The following SLC35F4 variants were observed in gnomAD, a reference collection of about 807,000 sequenced individuals.
SLC35F4 encodes the protein chromosome 14 open reading frame 36.
A neutral mutation model predicts 44.2 loss-of-function variants in SLC35F4; 24 were observed. The observed-to-expected ratio is 0.54, with a 90% confidence interval of 0.39 to 0.76. The LOEUF (loss-of-function observed/expected upper bound fraction) is 0.76. Among genes scored for constraint, SLC35F4 ranks in the 30% least tolerant of loss-of-function variants. The pLI, the probability that SLC35F4 is intolerant of heterozygous loss-of-function variation, is 0.00. For missense variants in SLC35F4, 562 were observed against 586.1 expected (o/e 0.96, Z 0.42); for synonymous variants, 238 against 223.6 (o/e 1.06, Z -0.57).
intron 1 of SLC35F4, among the ~76,000 whole-genome samples, chr14:57,749,606 C>T (rs1051915685): frequency 6.6e-5 from 10 of 152,262 alleles, no homozygotes; most frequent in African/African-American, 1.2e-4. Context: ...AATAAATGTA[C>T]TCTGCTTCCC....
At chr14:57,889,118 T>A (rs921240578) in intron 1 of SLC35F4, among the ~76,000 whole-genome samples, 1 of 152,316 alleles carries the variant, frequency 6.6e-6, no homozygotes, top group East Asian at 1.9e-4. Flanking sequence ...GAAGATAGTT[T>A]AACCATGTAT....
chr14:57,806,629 T>C (rs761292101), intron 1 of SLC35F4, among the ~76,000 whole-genome samples: 2 of 152,192 alleles, frequency 1.3e-5, no homozygotes, highest in African/African-American at 2.4e-5. Flanking sequence ...AAGTAGAATA[T>C]AGAAATATGA....
intron 1 of SLC35F4, among the ~76,000 whole-genome samples, chr14:57,597,882 A>AT (rs2070587844): frequency 6.6e-6 from 1 of 152,162 alleles, no homozygotes; most frequent in South Asian, 2.1e-4. Context: ...GAGCTGTCTA[A>AT]TTGAGATTCA....
rs530308644 is a variant in SLC35F4 at position 57,840,759 on chromosome 14, T to TC, written c.103+24963dup. 2.4e-4 allele frequency among the ~76,000 whole-genome samples: 37 copies of TC among 152,194 alleles called. No individual in the cohort carries two copies. In the East Asian group the frequency reaches 5.0e-3, roughly 21 times the overall value. On this transcript the variant is annotated intron_variant, in intron 1 of 7. Transcript: ENST00000556826. ...TACACTGCTATATAACACCCAAATA[T>TC]CCCCCCCAAATAATGAATGTTTTTA... is the stretch of plus-strand genomic sequence containing the variant.
chr14:57,932,920 C>T (rs992006180), intron 1 of SLC35F4, among the ~76,000 whole-genome samples: 2 of 152,064 alleles, frequency 1.3e-5, no homozygotes, highest in Non-Finnish European at 2.9e-5. Flanking sequence ...AATACATATT[C>T]CTTCCTCTCT....
chr14:57,595,531 A>G (rs238378), intron 1 of SLC35F4, among the ~76,000 whole-genome samples: 151,688 of 152,244 alleles, frequency 1, 75,594 homozygotes, highest in Middle Eastern at 1. Context: ...GGAGTCGGGG[A>G]GGTCTACATA....
At chr14:57,641,053 G>A (rs1045886667) in intron 1 of SLC35F4, among the ~76,000 whole-genome samples, 2 of 151,746 alleles carry the variant, frequency 1.3e-5, no homozygotes, top group African/African-American at 4.8e-5. Context: ...ATTACCACAC[G>A]AAAGTGAAAA....
At position 57,591,729 on chromosome 14, in the gene SLC35F4, C is replaced by A. The variant is rs140055635; in HGVS notation, c.289+2210G>T. ...TTCAGACTAGTTTGGGAAAAAAGTT[C>A]TGTTTCCTGGCAGGAATGGCAGTCC... On this transcript the variant is annotated intron_variant, in intron 2 of 7. Transcript: ENST00000556826. 1.5e-3 allele frequency among the ~76,000 whole-genome samples: 233 copies of A among 152,250 alleles called. 2 individuals are homozygous for A. Among genetic ancestry groups the A allele is most frequent in the Middle Eastern group, 6.8e-3 (2 of 294 alleles).
chr14:57,580,617 C>A, intron 4 of SLC35F4: 2 of 237,804 alleles, frequency 8.4e-6, no homozygotes, highest in Non-Finnish European at 1.7e-5. Context: ...AAACTCAGAA[C>A]TGAAGTTGTT....
chr14:57,957,531 G>A (rs867224126), intron 1 of SLC35F4, among the ~76,000 whole-genome samples: 4 of 151,922 alleles, frequency 2.6e-5, no homozygotes, highest in African/African-American at 4.8e-5. Context: ...CAATACTCAC[G>A]GCACTTTCTC....
At chr14:57,817,127 T>C (rs1036035103) in intron 1 of SLC35F4, among the ~76,000 whole-genome samples, 3 of 152,144 alleles carry the variant, frequency 2.0e-5, no homozygotes, top group Non-Finnish European at 4.4e-5. Flanking sequence ...GAGGTACAGA[T>C]GACAGATGAA....
intron 1 of SLC35F4, among the ~76,000 whole-genome samples, chr14:57,877,319 CA>C (rs1277479334): frequency 6.6e-6 from 1 of 152,056 alleles, no homozygotes; most frequent in Admixed American, 6.5e-5. Context: ...CATGTTGTTG[CA>C]AAAGACATAA....
At chr14:57,741,291 G>T (rs569037107) in intron 1 of SLC35F4, among the ~76,000 whole-genome samples, 2 of 152,148 alleles carry the variant, frequency 1.3e-5, no homozygotes, top group East Asian at 3.8e-4. Flanking sequence ...AAACTTCTCC[G>T]AGCTAAAGGA....
chr14:57,665,770 C>A (rs937302316), intron 1 of SLC35F4, among the ~76,000 whole-genome samples: 2 of 152,132 alleles, frequency 1.3e-5, no homozygotes, highest in African/African-American at 2.4e-5. Context: ...ACATGTGGGA[C>A]ATATACATCA....
chr14:57,974,003 T>G (rs1881134780), downstream of SLC35F4, among the ~76,000 whole-genome samples: 1 of 151,912 alleles, frequency 6.6e-6, no homozygotes, highest in South Asian at 2.1e-4. Flanking sequence ...ACCCCAAGAG[T>G]TAGTGGCTTA....
intron 1 of SLC35F4, among the ~76,000 whole-genome samples, chr14:57,602,705 C>T (rs1192667149): frequency 6.6e-6 from 1 of 152,134 alleles, no homozygotes; most frequent in Non-Finnish European, 1.5e-5. Flanking sequence ...CTCCAAATGC[C>T]AGAGGAGCTC....
intron 1 of SLC35F4, among the ~76,000 whole-genome samples, chr14:57,614,169 G>A (rs1000566989): frequency 2.6e-4 from 39 of 147,412 alleles, no homozygotes; most frequent in African/African-American, 9.3e-4. Context: ...CATTTGCAGT[G>A]GGGAAACACA....
chr14:57,876,050 C>A (rs1312709346), intron 1 of SLC35F4, among the ~76,000 whole-genome samples: 1 of 152,108 alleles, frequency 6.6e-6, no homozygotes, highest in African/African-American at 2.4e-5. Context: ...CCTGCAACAA[C>A]GAGATTTGGT....
At chr14:57,645,136 A>G (rs2073441458) in intron 1 of SLC35F4, among the ~76,000 whole-genome samples, 1 of 152,154 alleles carries the variant, frequency 6.6e-6, no homozygotes, top group Admixed American at 6.6e-5. Flanking sequence ...ACTTTAAAGT[A>G]GTTTTTTCCA....
Sources: gnomAD v4.1 joint callset for allele counts (sites outside exome capture counted in the v4.1 genomes callset) on GRCh38, gnomAD v4.1.1 for gene constraint, MANE v1.5 for transcripts, NCBI Gene and HGNC (gene_info 2026-07-23, HGNC 2026-07-21) for gene names.